CSMD1: variants seen among roughly 807,000 people sequenced by gnomAD.
CSMD1 encodes the protein CUB and sushi domain-containing protein 1.
A neutral mutation model predicts 417.5 loss-of-function variants in CSMD1; 213 were observed. The ratio of observed to expected loss-of-function variants is 0.51; its 90% confidence interval spans 0.46 to 0.57. CSMD1 has a LOEUF of 0.57. CSMD1 is among the 20% of genes least tolerant of loss of function. CSMD1 has a pLI of 0.00. For synonymous variants in CSMD1, 2,862 were observed against 1,736.8 expected, an observed-to-expected ratio of 1.65 and a Z score of -16.11; for missense variants, 6,923 against 4,529.7, an observed-to-expected ratio of 1.53 and a Z score of -15.17.
rs576638388 is a variant in CSMD1, at chr8:3,466,671, C to T, written c.1561+2041G>A. Among the ~76,000 whole-genome samples the T allele has an allele frequency of 4.4e-4, 66 of 150,932 alleles. 1 individual carries two copies. The highest frequency in any genetic ancestry group is 1.4e-3 in the African/African-American group (58 of 40,954). On this transcript the variant is annotated intron_variant, in intron 12 of 69. Coordinates refer to ENST00000635120, the MANE Select transcript of CSMD1 (RefSeq NM_033225.6). The stretch of plus-strand genomic sequence containing the variant: ...CTGGAACTCCTGACCTTAAGTGATC[C>T]GCCTGCCTTGGTCTCCCAAAGCACT...
At chr8:4,894,970 C>G (rs182746142) in intron 1 of CSMD1, among the ~76,000 whole-genome samples, 1 of 152,300 alleles carries the variant, frequency 6.6e-6, no homozygotes, top group East Asian at 1.9e-4. Flanking sequence ...CAGGGCTCAG[C>G]TTCCACTTTT....
At chr8:4,044,696 G>GCACAGCACCCTGGACA (rs1798058027) in intron 3 of CSMD1, among the ~76,000 whole-genome samples, 1 of 43,138 alleles carries the variant, frequency 2.3e-5, no homozygotes. Flanking sequence ...AATCCTGGCT[G>GCACAGCACCCTGGACA]CGTACAACCC....
chr8:4,769,072 G>C (rs1035202322), intron 1 of CSMD1, among the ~76,000 whole-genome samples: 2 of 152,202 alleles, frequency 1.3e-5, no homozygotes, highest in African/African-American at 2.4e-5. Context: ...GAGGCAAACA[G>C]TTAACAGCTT....
At chr8:4,369,985 C>T (rs1453303418) in intron 3 of CSMD1, among the ~76,000 whole-genome samples, 1 of 152,034 alleles carries the variant, frequency 6.6e-6, no homozygotes, top group African/African-American at 2.4e-5. Context: ...TTGTATCTAT[C>T]ATCTTGCTGT....
At chr8:4,022,685 G>A (rs1205622118) in intron 4 of CSMD1, among the ~76,000 whole-genome samples, 1 of 152,170 alleles carries the variant, frequency 6.6e-6, no homozygotes, top group South Asian at 2.1e-4. Flanking sequence ...TGGGGGAAAT[G>A]AAGGCAAGTG....
intron 1 of CSMD1, among the ~76,000 whole-genome samples, chr8:4,677,902 A>C (rs1203362274): frequency 6.6e-6 from 1 of 152,216 alleles, no homozygotes; most frequent in Non-Finnish European, 1.5e-5. Context: ...AAAGTGTGAC[A>C]TTTAATGAAC....
chr8:4,215,501 T>C (rs908008683), intron 3 of CSMD1, among the ~76,000 whole-genome samples: 12 of 8,850 alleles, frequency 1.4e-3, no homozygotes, highest in African/African-American at 3.7e-3. Context: ...TATGAATACA[T>C]AGAGAGTTTT....
At chr8:3,286,561 A>G (rs1020466564) in intron 25 of CSMD1, among the ~76,000 whole-genome samples, 16 of 151,950 alleles carry the variant, frequency 1.1e-4, no homozygotes, top group African/African-American at 3.9e-4. Context: ...TTTGATTTGC[A>G]TTTCTCTGAT....
Position 3,544,634 on chromosome 8 carries a change from C to T in CSMD1, c.1344+30311G>A, listed in dbSNP as rs1429735681. Among the ~76,000 whole-genome samples, 7 of 152,070 alleles carry T rather than the reference C, an allele frequency of 4.6e-5. No individual in the cohort carries two copies. The East Asian group carries it at 5.8e-4, about 13-fold the overall frequency. On this transcript the variant is annotated intron_variant, in intron 10 of 69. Transcript: ENST00000635120. ...AAAGGCGGGGGCCCTGGGAACGGAC[C>T]GTCCAATCTGACAGCTTGGCCACCA...
intron 3 of CSMD1, among the ~76,000 whole-genome samples, chr8:4,058,652 A>T (rs1267732320): frequency 1.3e-5 from 2 of 148,776 alleles, no homozygotes; most frequent in African/African-American, 2.5e-5. Flanking sequence ...CTAGTCTCTG[A>T]TAAAACAGAC....
intron 5 of CSMD1, among the ~76,000 whole-genome samples, chr8:3,911,513 G>A (rs1291891093): frequency 2.8e-5 from 4 of 143,594 alleles, no homozygotes; most frequent in South Asian, 2.2e-4. Flanking sequence ...GGGCAACAGA[G>A]CAAGACTCCG....
At chr8:3,750,482 C>G (rs757559891) in intron 6 of CSMD1, among the ~76,000 whole-genome samples, 1 of 151,842 alleles carries the variant, frequency 6.6e-6, no homozygotes, top group Non-Finnish European at 1.5e-5. Context: ...TTATTAGTCC[C>G]CAAATATCAA....
intron 3 of CSMD1, among the ~76,000 whole-genome samples, chr8:4,055,317 T>C (rs72624074): frequency 0.12 from 17,830 of 152,164 alleles, 1,574 homozygotes; most frequent in East Asian, 0.36. Flanking sequence ...TGTCTCCTTC[T>C]CTAATAAATT....
chr8:3,169,654 ATGT>A (rs1268829501), intron 37 of CSMD1, among the ~76,000 whole-genome samples: 2 of 152,184 alleles, frequency 1.3e-5, no homozygotes, highest in Non-Finnish European at 2.9e-5. Flanking sequence ...ACATGATGTC[ATGT>A]TATTTATATT....
chr8:3,022,391 C>T (rs1563248220), intron 51 of CSMD1, among the ~76,000 whole-genome samples: 3 of 152,260 alleles, frequency 2.0e-5, no homozygotes, highest in Admixed American at 2.0e-4. Context: ...AATCCCACAG[C>T]GTCCGGAATG....
chr8:2,950,745 G>A (rs763821242), intron 66 of CSMD1, among the ~76,000 whole-genome samples: 1 of 152,048 alleles, frequency 6.6e-6, no homozygotes, highest in Non-Finnish European at 1.5e-5. Context: ...TATAAATCGA[G>A]GCTGTTTTAT....
intron 52 of CSMD1, among the ~76,000 whole-genome samples, chr8:3,006,479 A>C (rs199610245): frequency 0.016 from 2,408 of 152,272 alleles, 25 homozygotes; most frequent in East Asian, 0.04. Flanking sequence ...ATCCTAAGCC[A>C]AAAGAACAAA....
intron 46 of CSMD1, among the ~76,000 whole-genome samples, chr8:3,100,951 G>C (rs1815691030): frequency 6.6e-6 from 1 of 152,100 alleles, no homozygotes; most frequent in East Asian, 1.9e-4. Flanking sequence ...AAGGAAGCTG[G>C]AGCTGGGCAG....
At chr8:4,905,346 T>C (rs1805173178) in intron 1 of CSMD1, among the ~76,000 whole-genome samples, 1 of 151,806 alleles carries the variant, frequency 6.6e-6, no homozygotes, top group Non-Finnish European at 1.5e-5. Flanking sequence ...CTACCATTTC[T>C]TCTCATTAGA....
Sources: allele counts gnomAD v4.1 joint callset (sites outside exome capture counted in the v4.1 genomes callset), GRCh38; gene constraint gnomAD v4.1.1; transcripts MANE v1.5; gene names NCBI Gene and HGNC (gene_info 2026-07-23, HGNC 2026-07-21).